The following MPP3 variants were observed in gnomAD, a reference collection of about 807,000 sequenced individuals.
MPP3 encodes MAGUK p55 subfamily member 3.
In MPP3, 48 loss-of-function variants were observed where a neutral mutation model predicts 80.7. That is an observed-to-expected ratio of 0.59 (90% CI 0.47 to 0.76). The LOEUF (loss-of-function observed/expected upper bound fraction) is 0.76. MPP3 is among the 30% of genes least tolerant of loss of function. The pLI is 0.00. For synonymous variants in MPP3, 311 were observed against 297.6 expected (o/e 1.04, Z -0.46); for missense variants, 620 against 763.0 (o/e 0.81, Z 2.21).
intron 11 of MPP3, among the ~76,000 whole-genome samples, chr17:43,819,453 T>C (rs1054185954): frequency 2.6e-5 from 4 of 152,262 alleles, no homozygotes; most frequent in African/African-American, 9.6e-5. Context: ...ATCACTTAGC[T>C]AGTTCCTCTG....
At chr17:43,823,910 C>G (rs1343220277) in intron 10 of MPP3, 21 bp downstream of exon 10, 1 of 1,595,880 alleles carries the variant, frequency 6.3e-7, no homozygotes, top group Non-Finnish European at 8.6e-7. Flanking sequence ...GAGAGGGCAC[C>G]GCGGACCCAC....
At position 43,811,096 on chromosome 17, in the gene MPP3, C is replaced by T. The variant is rs2154591217; in HGVS notation, c.1349+16G>A. The stretch of plus-strand genomic sequence containing the variant: ...ACAACTGCCTGGAGGGCCAACTGGC[C>T]CATCAAGCAACGTACTTGTTGTGAT... On this transcript the variant is annotated intron_variant, in intron 17 of 19. Coordinates refer to ENST00000398389, the MANE Select transcript of MPP3 (RefSeq NM_001932.6). 2 of 1,608,592 alleles carry T rather than the reference C, an allele frequency of 1.2e-6. No individual in the cohort carries two copies. Among genetic ancestry groups the T allele is most frequent in the South Asian group, 2.2e-5 (2 of 90,976 alleles).
chr17:43,823,234 C>A (rs2045544288), intron 10 of MPP3, among the ~76,000 whole-genome samples: 1 of 152,142 alleles, frequency 6.6e-6, no homozygotes, highest in East Asian at 1.9e-4. Flanking sequence ...CCATTCAGAA[C>A]ATAGGCTTAA....
rs2045578642 is a variant in MPP3 at position 43,823,944 on chromosome 17, A to G, written c.671T>C (p.Leu224Ser). The change falls in exon 10 of 20, where the codon TTA (leucine) becomes TCA (serine). Residue 224 changes from leucine to serine, a missense_variant. Physicochemically the swap from Leu to Ser is moderately radical, Grantham distance 145. Coordinates refer to ENST00000398389, the MANE Select transcript of MPP3 (RefSeq NM_001932.6). ...IIPATQEEDR[L>S]KESKVFMRAL... ...ACCTCCCCATACCTTGCTCTCCTTT[A>G]AGCGATCTTCCTCCTGGGTGGCTGG... 6.2e-7 allele frequency: 1 copy of G among 1,611,058 alleles called. No individual in the cohort carries two copies. Among genetic ancestry groups the G allele is most frequent in the Admixed American group, 1.7e-5 (1 of 59,618 alleles).
intron 18 of MPP3, among the ~76,000 whole-genome samples, chr17:43,809,889 A>C (rs1229617364): frequency 6.6e-6 from 1 of 152,142 alleles, no homozygotes; most frequent in African/African-American, 2.4e-5. Context: ...AAAAAAAAAG[A>C]AAAAGAAATT....
At position 43,827,726 on chromosome 17, in the gene MPP3, C is replaced by T. The variant is rs371990578; in HGVS notation, c.523+25G>A. 18 of 1,606,974 alleles carry T rather than the reference C, an allele frequency of 1.1e-5. No homozygotes were observed. The African/African-American group carries it at 2.0e-4, about 18-fold the overall frequency. On this transcript the variant is annotated intron_variant, in intron 8 of 19. Transcript: ENST00000398389. ...AACAATGGCCATGATCGGGGCTGGG[C>T]CAGCTTTGCACTGCCGCCACTCACC...
chr17:43,804,998 A>G (rs1199116379), intron 19 of MPP3, among the ~76,000 whole-genome samples: 2 of 152,240 alleles, frequency 1.3e-5, no homozygotes, highest in African/African-American at 4.8e-5. Flanking sequence ...AGCCTGGGCA[A>G]CAAGAACGAA....
At chr17:43,827,954 G>A (rs1338217184) in intron 7 of MPP3, 122 bp from the exon 8 acceptor site, 1 of 867,342 alleles carries the variant, frequency 1.2e-6, no homozygotes, top group African/African-American at 1.6e-5. Flanking sequence ...GATCAGTGGG[G>A]ACCTTCCCAA....
At chr17:43,813,422 C>CTCCTCCTCA (rs1292101682) in intron 16 of MPP3, among the ~76,000 whole-genome samples, 2 of 152,174 alleles carry the variant, frequency 1.3e-5, no homozygotes, top group African/African-American at 4.8e-5. Flanking sequence ...CTTCATTCTC[C>CTCCTCCTCA]TCCTCCTCAT....
At position 43,825,807 on chromosome 17, in the gene MPP3, C is replaced by T. The variant is rs1402097742; in HGVS notation, c.558G>A (p.Val186=). The change falls in exon 9 of 20, where the codon GTG becomes GTA. Residue 186 remains valine, a synonymous_variant. Transcript: ENST00000398389. ...GCTTGTGCAGGACTGCGATCCCGTT[C>T]ACTTCTCGGAGCTCATCTCCAACGT... The part of the protein sequence containing the change: ...LVHVGDELRE[V]NGIAVLHKRP... 5.6e-6 allele frequency: 9 copies of T among 1,613,510 alleles called. No homozygotes were observed. The highest frequency in any genetic ancestry group is 7.6e-6 in the Non-Finnish European group (9 of 1,179,404).
Position 43,830,081 on chromosome 17 carries a change from G to T in MPP3, c.249C>A (p.Ser83=). Residue 83 remains serine (S), a synonymous_variant, in exon 6 of 20, where the codon TCC becomes TCA. Transcript: ENST00000398389. ...GCAGCTCCCTCTCATCACTGTGCAC[G>T]GAGGCGGCCTGCAACTCCTCCATCA... ...EDVMEELQAA[S]VHSDERELLQ... 1 of 1,557,470 alleles carries T rather than the reference G, an allele frequency of 6.4e-7. No homozygotes were observed. The highest frequency in any genetic ancestry group is 1.2e-5 in the South Asian group (1 of 81,868).
intron 6 of MPP3, 27 bp downstream of exon 6, chr17:43,830,000 G>A (rs2045890027): frequency 5.6e-6 from 9 of 1,604,206 alleles, no homozygotes; most frequent in Admixed American, 1.7e-5. Context: ...CCAGAGGCAT[G>A]GCTGGGCAGG....
At chr17:43,832,239 A>T in intron 2 of MPP3, 1 of 409,116 alleles carries the variant, frequency 2.4e-6, no homozygotes, top group Non-Finnish European at 4.3e-6. Flanking sequence ...GCGGCGTGGA[A>T]GCTTTCAGTA....
Position 43,801,674 on chromosome 17 carries a change from G to GT in MPP3, c.*26dup. On this transcript the variant is annotated 3_prime_UTR_variant, in exon 20 of 20. Coordinates refer to ENST00000398389, the MANE Select transcript of MPP3 (RefSeq NM_001932.6). Reference sequence around the variant, plus strand: ...TGGACTAGATGATCTTCAAGGTCCCGTCCAGCTTGGATGTTCTGGGATAAA... The same window carrying GT: ...TGGACTAGATGATCTTCAAGGTCCCGTTCCAGCTTGGATGTTCTGGGATAAA... 6.2e-7 allele frequency: 1 copy of GT among 1,610,452 alleles called. No individual in the cohort carries two copies. The highest frequency in any genetic ancestry group is 8.5e-7 in the Non-Finnish European group (1 of 1,176,970).
chr17:43,829,507 C>G, intron 7 of MPP3, 147 bp downstream of exon 7: 1 of 901,122 alleles, frequency 1.1e-6, no homozygotes, highest in Non-Finnish European at 1.7e-6. Context: ...GCCCTGCACA[C>G]AGAGGCACCA....
intron 5 of MPP3, 99 bp downstream of exon 5, chr17:43,831,145 G>T: frequency 9.0e-7 from 1 of 1,116,518 alleles, no homozygotes. Flanking sequence ...TTGGGCTCCT[G>T]ATTCCCGGTG....
chr17:43,803,450 C>T (rs1415795022), intron 19 of MPP3, among the ~76,000 whole-genome samples: 3 of 152,192 alleles, frequency 2.0e-5, no homozygotes, highest in Non-Finnish European at 4.4e-5. Flanking sequence ...CCTGTGTCTT[C>T]AGCAAGAGTC....
intron 8 of MPP3, among the ~76,000 whole-genome samples, chr17:43,826,833 T>A (rs55966515): frequency 0.14 from 20,113 of 141,774 alleles, 1,491 homozygotes; most frequent in Non-Finnish European, 0.17. Context: ...TATATATATT[T>A]TTTTTTTTTT....
In MPP3 at chr17:43,814,258, G is replaced by GTTT; in HGVS notation, c.1112_1113insAAA (p.Tyr371delinsTer). ...GGTGTTGGTACCTGGCCACCTCTTC[G>GTTT]TAAGTCAGCAGCTCCGGAGACTCAG... is the stretch of plus-strand genomic sequence containing the variant. On this transcript the variant is annotated stop_gained, in exon 15 of 20. Coordinates refer to ENST00000398389, the MANE Select transcript of MPP3 (RefSeq NM_001932.6). LOFTEE classifies it high-confidence loss of function. The GTTT allele has an allele frequency of 6.2e-7, 1 of 1,613,426 alleles. No homozygotes were observed. The highest frequency in any genetic ancestry group is 2.2e-5 in the East Asian group (1 of 44,866).
Sources: allele counts gnomAD v4.1 joint callset (sites outside exome capture counted in the v4.1 genomes callset), GRCh38; gene constraint gnomAD v4.1.1; transcripts MANE v1.5; gene names NCBI Gene and HGNC (gene_info 2026-07-23, HGNC 2026-07-21).